TANGO6: variants seen among roughly 807,000 people sequenced by gnomAD.
The protein encoded by TANGO6 is transport and Golgi organization protein 6 homolog.
A neutral mutation model predicts 114.2 loss-of-function variants in TANGO6; 90 were observed. That is an observed-to-expected ratio of 0.79 (90% CI 0.66 to 0.94). TANGO6 has a LOEUF of 0.94. Among genes scored for constraint, TANGO6 ranks in the 40% least tolerant of loss-of-function variants. The pLI, the probability that TANGO6 is intolerant of heterozygous loss-of-function variation, is 0.00. For missense variants in TANGO6, 1,274 were observed against 1,315.3 expected, an observed-to-expected ratio of 0.97 and a Z score of 0.49; for synonymous variants, 477 against 509.8, an observed-to-expected ratio of 0.94 and a Z score of 0.87.
intron 14 of TANGO6, among the ~76,000 whole-genome samples, chr16:68,933,648 G>T (rs540233619): frequency 6.6e-6 from 1 of 152,320 alleles, no homozygotes; most frequent in South Asian, 2.1e-4. Flanking sequence ...GAACCATGAA[G>T]TGTCAAAGAG....
chr16:69,032,490 A>T (rs1959611924), intron 16 of TANGO6, among the ~76,000 whole-genome samples: 1 of 151,554 alleles, frequency 6.6e-6, no homozygotes, highest in Non-Finnish European at 1.5e-5. Context: ...CTGGTCTCAA[A>T]CTCCTGAGTT....
intron 17 of TANGO6, 60 bp downstream of exon 17, chr16:69,040,481 T>C (rs1167968028): frequency 1.4e-6 from 2 of 1,420,530 alleles, no homozygotes; most frequent in Non-Finnish European, 1.9e-6. Context: ...TATTTCTCAA[T>C]CTTCCTTTTA....
intron 17 of TANGO6, among the ~76,000 whole-genome samples, chr16:69,058,028 T>C (rs1960059600): frequency 6.6e-6 from 1 of 152,200 alleles, no homozygotes; most frequent in South Asian, 2.1e-4. Context: ...GAGTCAGTCC[T>C]GGGACTTTTC....
At chr16:68,910,585 G>A (rs558794862) in intron 11 of TANGO6, among the ~76,000 whole-genome samples, 2 of 152,312 alleles carry the variant, frequency 1.3e-5, no homozygotes, top group South Asian at 4.1e-4. Flanking sequence ...TTCAGCTAAG[G>A]TTAAAATGTA....
At chr16:68,931,057 T>C (rs948168285) in intron 14 of TANGO6, among the ~76,000 whole-genome samples, 1 of 152,254 alleles carries the variant, frequency 6.6e-6, no homozygotes, top group Non-Finnish European at 1.5e-5. Flanking sequence ...TGGTTCTTTG[T>C]TGTTCTCCAC....
intron 16 of TANGO6, among the ~76,000 whole-genome samples, chr16:69,028,970 A>C (rs2152230393): frequency 6.6e-6 from 1 of 152,320 alleles, no homozygotes; most frequent in East Asian, 1.9e-4. Context: ...TATGTTTTCT[A>C]AAACTAATGA....
At chr16:69,047,127 G>A (rs983742250) in intron 17 of TANGO6, among the ~76,000 whole-genome samples, 2 of 148,526 alleles carry the variant, frequency 1.3e-5, no homozygotes, top group Non-Finnish European at 3.0e-5. Flanking sequence ...GCTGCAGTGA[G>A]CCGAGATTGT....
intron 17 of TANGO6, among the ~76,000 whole-genome samples, chr16:69,045,387 T>G (rs1959839356): frequency 7.5e-6 from 1 of 133,576 alleles, no homozygotes; most frequent in South Asian, 2.3e-4. Flanking sequence ...GAGCTTGCAG[T>G]GAGCCAAGAT....
chr16:69,054,621 A>G (rs905597520), intron 17 of TANGO6, among the ~76,000 whole-genome samples: 3 of 152,102 alleles, frequency 2.0e-5, no homozygotes, highest in South Asian at 2.1e-4. Context: ...GATTCATCCA[A>G]CTACTTTCTA....
chr16:68,903,174 A>T (rs1962806372), intron 9 of TANGO6, among the ~76,000 whole-genome samples: 1 of 152,186 alleles, frequency 6.6e-6, no homozygotes, highest in Admixed American at 6.5e-5. Context: ...TGAAGTGTTG[A>T]AATATAATTA....
At chr16:68,915,610 G>C (rs1962993071) in intron 11 of TANGO6, among the ~76,000 whole-genome samples, 1 of 152,186 alleles carries the variant, frequency 6.6e-6, no homozygotes, top group African/African-American at 2.4e-5. Context: ...GTTGGCCCAA[G>C]ATAGTAGAAA....
intron 17 of TANGO6, among the ~76,000 whole-genome samples, chr16:69,047,685 G>T (rs1027794785): frequency 6.6e-6 from 1 of 152,036 alleles, no homozygotes; most frequent in African/African-American, 2.4e-5. Flanking sequence ...GAGTGATTGG[G>T]GGTTGATTTA....
intron 14 of TANGO6, among the ~76,000 whole-genome samples, chr16:68,970,417 C>T (rs1461663858): frequency 6.6e-6 from 1 of 152,116 alleles, no homozygotes; most frequent in Non-Finnish European, 1.5e-5. Flanking sequence ...CCTTTAATCC[C>T]AGCACTTTGG....
rs147829712 is a variant in TANGO6 at position 68,897,856 on chromosome 16, G to A, written c.1378-2578G>A. On this transcript the variant is annotated intron_variant, in intron 7 of 17. Transcript: ENST00000261778. ...GCCTCCCAAAGTGCTGGGATTATAG[G>A]TGTGAGCCACCGCCCCTGGCCAAAT... Among the ~76,000 whole-genome samples the A allele has an allele frequency of 3.9e-3, 596 of 152,252 alleles. 7 individuals carry two copies. The highest frequency in any genetic ancestry group is 0.013 in the African/African-American group (548 of 41,544).
At chr16:68,901,558 G>T (rs542852632) in intron 8 of TANGO6, among the ~76,000 whole-genome samples, 1 of 152,046 alleles carries the variant, frequency 6.6e-6, no homozygotes, top group East Asian at 1.9e-4. Flanking sequence ...GTGCGATCTC[G>T]GCTCACTGCA....
In TANGO6 at chr16:68,860,061, CT is replaced by C; in HGVS notation, c.274del (p.Trp92GlyfsTer14). ...AEWPQNSVDVTWSFTSQTLLL... is the reference protein window; with the variant it reads ...AEWPQNSVDVXWSFTSQTLLL... ...TGGCCACAAAACTCTGTGGATGTCA[CT>C]TGGAGTTTTACCTCTCAAACCTTGT... On this transcript the variant is annotated frameshift_variant, in exon 2 of 18. Coordinates refer to ENST00000261778, the MANE Select transcript of TANGO6 (RefSeq NM_024562.2). LOFTEE classifies it high-confidence loss of function. 6.2e-7 allele frequency: 1 copy of C among 1,614,020 alleles called. No individual in the cohort carries two copies. Among genetic ancestry groups the C allele is most frequent in the Non-Finnish European group, 8.5e-7 (1 of 1,179,904 alleles).
intron 7 of TANGO6, among the ~76,000 whole-genome samples, chr16:68,896,494 A>G (rs1962706984): frequency 6.6e-6 from 1 of 151,736 alleles, no homozygotes; most frequent in South Asian, 2.1e-4. Context: ...TATTTTTTGT[A>G]GAGATGGGTT....
intron 4 of TANGO6, among the ~76,000 whole-genome samples, chr16:68,869,518 G>T (rs564041836): frequency 6.6e-6 from 1 of 152,180 alleles, no homozygotes; most frequent in East Asian, 1.9e-4. Context: ...TATTCTATCA[G>T]TTTTATCTTC....
chr16:68,988,434 C>T (rs560597376), intron 15 of TANGO6, among the ~76,000 whole-genome samples: 2 of 152,296 alleles, frequency 1.3e-5, no homozygotes, highest in Admixed American at 6.5e-5. Flanking sequence ...AGTTTGGAGT[C>T]CCCCAGGGCT....
Sources: allele counts gnomAD v4.1 joint callset (sites outside exome capture counted in the v4.1 genomes callset), GRCh38; gene constraint gnomAD v4.1.1; transcripts MANE v1.5; gene names NCBI Gene and HGNC (gene_info 2026-07-23, HGNC 2026-07-21).